FRMD4A: variants seen among roughly 807,000 people sequenced by gnomAD.
FRMD4A encodes the protein FERM domain containing 4A, also known as FERM domain-containing protein 4A.
Under a neutral mutation model 129.1 loss-of-function variants are expected in FRMD4A, and 29 were observed. The ratio of observed to expected loss-of-function variants is 0.22; its 90% CI spans 0.17 to 0.31. FRMD4A has a LOEUF of 0.31. Among genes scored for constraint, FRMD4A ranks in the 10% least tolerant of loss-of-function variants. The pLI, the probability that FRMD4A is intolerant of heterozygous loss-of-function variation, is 1.00. For missense variants in FRMD4A, 1,272 were observed against 1,375.8 expected (o/e 0.92, Z 1.19); for synonymous variants, 634 against 571.6 (o/e 1.11, Z -1.56).
chr10:13,898,781 TG>T (rs2094786983), intron 2 of FRMD4A, among the ~76,000 whole-genome samples: 1 of 152,234 alleles, frequency 6.6e-6, no homozygotes, highest in African/African-American at 2.4e-5. Context: ...GACCTGAAGC[TG>T]GGTTGTGTAA....
chr10:13,779,706 T>C (rs984790230), intron 6 of FRMD4A, among the ~76,000 whole-genome samples: 1 of 152,062 alleles, frequency 6.6e-6, no homozygotes, highest in African/African-American at 2.4e-5. Context: ...CTAGGTTTAG[T>C]ATTATTTGAT....
chr10:14,078,052 G>T (rs553247821), intron 2 of FRMD4A, among the ~76,000 whole-genome samples: 113 of 152,190 alleles, frequency 7.4e-4, no homozygotes, highest in Non-Finnish European at 1.4e-3. Flanking sequence ...ACCTGATGAT[G>T]ACCCTGGCTT....
chr10:14,021,334 A>G (rs560780652), intron 2 of FRMD4A, among the ~76,000 whole-genome samples: 30 of 152,110 alleles, frequency 2.0e-4, no homozygotes, highest in African/African-American at 6.7e-4. Flanking sequence ...TTGAACCCAG[A>G]CATTCAAGAC....
chr10:14,305,372 A>T (rs930472766), intron 2 of FRMD4A, among the ~76,000 whole-genome samples: 1 of 152,244 alleles, frequency 6.6e-6, no homozygotes, highest in Admixed American at 6.5e-5. Context: ...GAACAAAAAA[A>T]TGAATAGATT....
Position 13,971,773 on chromosome 10 carries a change from C to A in FRMD4A, c.46-112861G>T, listed in dbSNP as rs758624347. On this transcript the variant is annotated intron_variant, in intron 2 of 24. Transcript: ENST00000357447. The stretch of plus-strand genomic sequence containing the variant: ...TCAGGTTCCAACTCCACGGTGGGTC[C>A]TCAGAGCCAAGCAGCCCAGCAGCCA... The A allele has an allele frequency of 3.1e-6, 4 of 1,304,388 alleles. No individual in the cohort carries two copies. The South Asian group carries it at 4.9e-5, about 16-fold the overall frequency. 80.8% of individuals were successfully genotyped at this position (1,304,388 alleles called of 1,614,324 possible).
At chr10:13,681,613 A>C (rs1354981694) in intron 15 of FRMD4A, among the ~76,000 whole-genome samples, 6 of 152,172 alleles carry the variant, frequency 3.9e-5, no homozygotes, top group Non-Finnish European at 8.8e-5. Context: ...TTCAGGCAAC[A>C]CTCAGATTTA....
chr10:13,967,379 G>A (rs562071545), intron 2 of FRMD4A, among the ~76,000 whole-genome samples: 2 of 152,222 alleles, frequency 1.3e-5, no homozygotes, highest in East Asian at 1.9e-4. Context: ...TTGGGGACTC[G>A]GGGAAAGGGT....
In FRMD4A at chr10:13,770,370, A is replaced by G. The variant is rs186607257; in HGVS notation, c.385-7690T>C. On this transcript the variant is annotated intron_variant, in intron 6 of 24. Coordinates refer to ENST00000357447, the MANE Select transcript of FRMD4A (RefSeq NM_018027.5). ...TGGGATTTCTCATGCTGTCCACCCC[A>G]CCGCAGACAGCCCATGTCAGGATCT... is the stretch of plus-strand genomic sequence containing the variant. 5.7e-3 allele frequency among the ~76,000 whole-genome samples: 868 copies of G among 152,210 alleles called. 6 individuals are homozygous for G. Among genetic ancestry groups the G allele is most frequent in the Middle Eastern group, 0.014 (4 of 294 alleles).
chr10:14,039,373 TCCATCCATCCATCC>T (rs1565204293), intron 2 of FRMD4A, among the ~76,000 whole-genome samples: 3 of 108,020 alleles, frequency 2.8e-5, no homozygotes, highest in African/African-American at 9.5e-5. Context: ...CGTCCGTCCA[TCCATCCATCCATCC>T]ATCCATCCAT....
chr10:13,718,765 G>A (rs891489108), intron 12 of FRMD4A, among the ~76,000 whole-genome samples: 1 of 152,194 alleles, frequency 6.6e-6, no homozygotes, highest in African/African-American at 2.4e-5. Flanking sequence ...GCTATCCCAA[G>A]CCTCCCAAAA....
At chr10:13,797,443 A>G (rs952820406) in intron 4 of FRMD4A, among the ~76,000 whole-genome samples, 1 of 152,096 alleles carries the variant, frequency 6.6e-6, no homozygotes, top group Admixed American at 6.5e-5. Flanking sequence ...AGGCAGAAAG[A>G]CCAGCCCGTG....
chr10:14,247,627 C>T (rs1028589209), intron 2 of FRMD4A, among the ~76,000 whole-genome samples: 1 of 152,098 alleles, frequency 6.6e-6, no homozygotes, highest in Non-Finnish European at 1.5e-5. Flanking sequence ...GAAGCTGATA[C>T]CAAAACCACA....
At chr10:14,055,082 A>T (rs1834444508) in intron 2 of FRMD4A, among the ~76,000 whole-genome samples, 1 of 152,090 alleles carries the variant, frequency 6.6e-6, no homozygotes, top group South Asian at 2.1e-4. Flanking sequence ...TGGATCTTCA[A>T]TTTTTGCCTT....
chr10:14,105,763 T>C (rs1837555698), intron 2 of FRMD4A, among the ~76,000 whole-genome samples: 1 of 152,214 alleles, frequency 6.6e-6, no homozygotes, highest in African/African-American at 2.4e-5. Context: ...AATTTCTTCC[T>C]TTTTTCTTGC....
intron 18 of FRMD4A, among the ~76,000 whole-genome samples, chr10:13,664,325 G>A (rs966306895): frequency 1.3e-5 from 2 of 152,152 alleles, no homozygotes; most frequent in African/African-American, 4.8e-5. Context: ...GAACCCCTAA[G>A]TGCCTTGGAG....
chr10:13,831,076 C>T (rs2093783060), intron 3 of FRMD4A, among the ~76,000 whole-genome samples: 1 of 152,192 alleles, frequency 6.6e-6, no homozygotes, highest in South Asian at 2.1e-4. Context: ...AGGTGTGAGC[C>T]ACCATGCCTG....
In FRMD4A at chr10:14,068,823, A is replaced by C. The variant is rs542775323; in HGVS notation, c.46-209911T>G. ...TTTCCACTTAGGCTAAGTGAGATGA[A>C]GGAAGAAAGCTGTCTTATTTAGTGA... is the stretch of plus-strand genomic sequence containing the variant. On this transcript the variant is annotated intron_variant, in intron 2 of 24. Coordinates refer to ENST00000357447, the MANE Select transcript of FRMD4A (RefSeq NM_018027.5). Among the ~76,000 whole-genome samples the C allele has an allele frequency of 4.6e-5, 7 of 152,200 alleles. No individual in the cohort carries two copies. The East Asian group carries it at 7.7e-4, about 17-fold the overall frequency.
At position 13,654,488 on chromosome 10, in the gene FRMD4A, C is replaced by A. The variant is rs1381322334; in HGVS notation, c.2978G>T (p.Ser993Ile). 3 of 1,613,544 alleles carry A rather than the reference C, an allele frequency of 1.9e-6. No homozygotes were observed. In the African/African-American group the frequency reaches 4.0e-5, roughly 22 times the overall value. ...TSAALPQSQRSSTPSSEIGAT... is the reference protein window; with the variant it reads ...TSAALPQSQRISTPSSEIGAT... ...TCCAATTTCACTTGACGGTGTCGAG[C>A]TTCTCTGGCTTTGAGGTAAGGCAGC... Residue 993 changes from serine (S) to isoleucine (I), a missense_variant, in exon 23 of 25, where the codon AGC becomes ATC. Around this residue, in one of 2 missense-constraint regions of FRMD4A, gnomAD observed 972 missense variants for 892.3 expected, o/e 1.09. Coordinates refer to ENST00000357447, the MANE Select transcript of FRMD4A (RefSeq NM_018027.5).
chr10:13,801,582 G>A (rs1255771355), intron 4 of FRMD4A, among the ~76,000 whole-genome samples: 2 of 152,200 alleles, frequency 1.3e-5, no homozygotes, highest in African/African-American at 2.4e-5. Flanking sequence ...GCAGACTGAA[G>A]GGACATGTGA....
Sources: allele counts gnomAD v4.1 joint callset (sites outside exome capture counted in the v4.1 genomes callset), GRCh38; gene constraint gnomAD v4.1.1; regional missense constraint gnomAD v4.1.1; transcripts MANE v1.5; gene names NCBI Gene and HGNC (gene_info 2026-07-23, HGNC 2026-07-21).